Variants in ZMYND12 observed in about 807,000 individuals in gnomAD.
The protein encoded by ZMYND12 is zinc finger MYND-type containing 12, also known as zinc finger MYND domain-containing protein 12.
Under a neutral mutation model 41.7 loss-of-function variants are expected in ZMYND12, and 32 were observed. The ratio of observed to expected loss-of-function variants is 0.77; its 90% CI spans 0.58 to 1.03. The LOEUF (loss-of-function observed/expected upper bound fraction) is 1.03. Among genes scored for constraint, ZMYND12 ranks in the 50% least tolerant of loss-of-function variants. ZMYND12 has a pLI of 0.00. For missense variants in ZMYND12, 424 were observed against 438.5 expected, an observed-to-expected ratio of 0.97 and a Z score of 0.30; for synonymous variants, 148 against 164.8, an observed-to-expected ratio of 0.90 and a Z score of 0.78.
In ZMYND12 at chr1:42,430,590, A is replaced by G. The variant is rs577096202; in HGVS notation, c.*146T>C. Reference sequence around the variant, plus strand: ...ATTCCCTTAATATGCTGTGTAAGAAAAAAATAACAGCTATGTGTGCAATCC... The same window carrying G: ...ATTCCCTTAATATGCTGTGTAAGAAGAAAATAACAGCTATGTGTGCAATCC... On this transcript the variant is annotated 3_prime_UTR_variant, in exon 8 of 8. Transcript: ENST00000372565. The G allele has an allele frequency of 7.5e-5, 81 of 1,074,608 alleles. No individual in the cohort carries two copies. The highest frequency in any genetic ancestry group is 6.6e-4 in the South Asian group (36 of 54,924). The allele number at this position is 1,074,608 out of a possible 1,614,324, so 66.6% of individuals were successfully genotyped here.
intron 4 of ZMYND12, among the ~76,000 whole-genome samples, chr1:42,439,299 C>T (rs1642941222): frequency 6.7e-6 from 1 of 148,452 alleles, no homozygotes; most frequent in South Asian, 2.1e-4. Flanking sequence ...CGAAGTCTTG[C>T]TCTGTCGCCA....
At chr1:42,455,734 G>C (rs1431212112) in intron 1 of ZMYND12, among the ~76,000 whole-genome samples, 154 bp downstream of exon 1, 1 of 152,206 alleles carries the variant, frequency 6.6e-6, no homozygotes, top group African/African-American at 2.4e-5. Flanking sequence ...AGACAGACGA[G>C]GCCACGGGAG....
In ZMYND12 at chr1:42,437,545, C is replaced by T. The variant is rs950869124; in HGVS notation, c.595-1002G>A. Among the ~76,000 whole-genome samples the T allele has an allele frequency of 2.7e-4, 40 of 149,138 alleles. 1 individual carries two copies. The highest frequency in any genetic ancestry group is 8.2e-4 in the African/African-American group (33 of 40,338). ...TTTTTTTTTTTAAAGACAGAGTCTC[C>T]CTCTGTCGCCCAGGCTGGAGTGCAG... On this transcript the variant is annotated intron_variant, in intron 4 of 7. Coordinates refer to ENST00000372565, the MANE Select transcript of ZMYND12 (RefSeq NM_032257.5).
chr1:42,448,499 G>C lies in ZMYND12; in HGVS notation c.392C>G (p.Pro131Arg). 1.9e-6 allele frequency: 3 copies of C among 1,607,128 alleles called. No homozygotes were observed. Among genetic ancestry groups the C allele is most frequent in the Non-Finnish European group, 8.5e-7 (1 of 1,176,336 alleles). ...GGCCTCGGCCAACAGCAGGTAAGCAGGCACAAGCTCTACGGAGCTCAGGCC... is the reference window on the plus strand; with the variant it reads ...GGCCTCGGCCAACAGCAGGTAAGCACGCACAAGCTCTACGGAGCTCAGGCC... ...LYGLSSVELV[P>R]AYLLLAEASL... The change falls in exon 3 of 8, where the codon CCT becomes CGT. Residue 131 changes from proline (P) to arginine (R), a missense_variant. By Grantham distance (103) the Pro-to-Arg change is moderately radical. Coordinates refer to ENST00000372565, the MANE Select transcript of ZMYND12 (RefSeq NM_032257.5).
intron 1 of ZMYND12, among the ~76,000 whole-genome samples, chr1:42,452,215 T>C (rs994887384): frequency 6.6e-6 from 1 of 152,306 alleles, no homozygotes; most frequent in Admixed American, 6.5e-5. Context: ...GTTTGACATA[T>C]GAAGCGCAAA....
intron 3 of ZMYND12, among the ~76,000 whole-genome samples, chr1:42,444,921 C>A (rs1343589555): frequency 6.6e-6 from 1 of 150,992 alleles, no homozygotes; most frequent in Middle Eastern, 3.4e-3. Flanking sequence ...CATTCTCCTG[C>A]TCCAGCCTCC....
intron 4 of ZMYND12, among the ~76,000 whole-genome samples, chr1:42,437,475 TG>T (rs1481605741): frequency 2.0e-5 from 3 of 150,950 alleles, no homozygotes; most frequent in Non-Finnish European, 3.0e-5. Flanking sequence ...TGTGTGTGTG[TG>T]TGTTTAAAAA....
At chr1:42,437,456 G>C (rs1642919705) in intron 4 of ZMYND12, among the ~76,000 whole-genome samples, 2 of 151,454 alleles carry the variant, frequency 1.3e-5, no homozygotes, top group South Asian at 4.2e-4. Flanking sequence ...GTGTGTGTGT[G>C]TGTGTGTGTG....
chr1:42,439,783 A>C lies in ZMYND12; in HGVS notation c.594+73T>G, dbSNP rs542188262. 60 of 1,432,712 alleles carry C rather than the reference A, an allele frequency of 4.2e-5. No individual in the cohort carries two copies. The African/African-American group carries it at 5.7e-4, about 14-fold the overall frequency. 88.7% of individuals were successfully genotyped at this position (1,432,712 alleles called of 1,614,324 possible). On this transcript the variant is annotated intron_variant, in intron 4 of 7. Transcript: ENST00000372565. ...ATGCACAGTTTTAAAAAAATTAAAC[A>C]GATTTTGGAAATATACAGGTGTTAT...
intron 7 of ZMYND12, among the ~76,000 whole-genome samples, chr1:42,432,011 C>T (rs996896041): frequency 6.6e-6 from 1 of 151,998 alleles, no homozygotes; most frequent in African/African-American, 2.4e-5. Flanking sequence ...TCTCTCTCCC[C>T]CTGCCAACTG....
intron 3 of ZMYND12, among the ~76,000 whole-genome samples, chr1:42,444,677 T>A (rs1441422712): frequency 6.6e-6 from 1 of 152,116 alleles, no homozygotes; most frequent in East Asian, 1.9e-4. Context: ...CCGTGATAAT[T>A]AAGAATAGAC....
chr1:42,437,440 C>CTGTGTGTGTG (rs113850227), intron 4 of ZMYND12, among the ~76,000 whole-genome samples: 6,058 of 144,386 alleles, frequency 0.042, 149 homozygotes, highest in East Asian at 0.091. Flanking sequence ...CAATAAAGCT[C>CTGTGTGTGTG]TGTGTGTGTG....
Position 42,430,581 on chromosome 1 carries a change from G to T in ZMYND12, c.*155C>A. 1 of 944,386 alleles carries T rather than the reference G, an allele frequency of 1.1e-6. No homozygotes were observed. Among genetic ancestry groups the T allele is most frequent in the Non-Finnish European group, 1.6e-6 (1 of 641,136 alleles). 58.5% of individuals were successfully genotyped at this position (944,386 alleles called of 1,614,324 possible). A position where few individuals can be genotyped will look rare whatever the true frequency, so the allele number is the denominator to read the frequency against. ...AAGCTTTATATTCCCTTAATATGCTGTGTAAGAAAAAAATAACAGCTATGT... is the reference window on the plus strand; with the variant it reads ...AAGCTTTATATTCCCTTAATATGCTTTGTAAGAAAAAAATAACAGCTATGT... On this transcript the variant is annotated 3_prime_UTR_variant, in exon 8 of 8. Coordinates refer to ENST00000372565, the MANE Select transcript of ZMYND12 (RefSeq NM_032257.5).
At chr1:42,449,271 G>C (rs943213948) in intron 2 of ZMYND12, among the ~76,000 whole-genome samples, 1 of 152,124 alleles carries the variant, frequency 6.6e-6, no homozygotes, top group Non-Finnish European at 1.5e-5. Flanking sequence ...TTATTCAGTA[G>C]TATATCCATA....
Position 42,435,351 on chromosome 1 carries a change from T to C in ZMYND12, c.752A>G (p.His251Arg). Residue 251 changes from histidine to arginine, a missense_variant, in exon 6 of 8, where the codon CAC becomes CGC. His to Arg is a conservative substitution (Grantham distance 29, BLOSUM62 0). Transcript: ENST00000372565. The part of the protein sequence containing the change: ...SEIWHAYLNN[H>R]YQVLSQAHIQ... ...GTGAGCCTGTGAGAGGACTTGATAG[T>C]GATTGTTCAAATATGCATGCCAGAT... 6.2e-7 allele frequency: 1 copy of C among 1,614,002 alleles called. No individual in the cohort carries two copies. Among genetic ancestry groups the C allele is most frequent in the Non-Finnish European group, 8.5e-7 (1 of 1,179,904 alleles).
chr1:42,437,444 G>GTGTGTGTGTGTGTA (rs1431297205), intron 4 of ZMYND12, among the ~76,000 whole-genome samples: 2 of 38,336 alleles, frequency 5.2e-5, no homozygotes, highest in African/African-American at 7.7e-5. Flanking sequence ...AAAGCTCTGT[G>GTGTGTGTGTGTGTA]TGTGTGTGTG....
chr1:42,439,849 T>G lies in ZMYND12; in HGVS notation c.594+7A>C. On this transcript the variant is annotated splice_region_variant and intron_variant, in intron 4 of 7. Coordinates refer to ENST00000372565, the MANE Select transcript of ZMYND12 (RefSeq NM_032257.5). ...AATATACAGGTGTTATAACTTAGCT[T>G]GTTTACATCATTGGCCAGATGATAA... is the stretch of plus-strand genomic sequence containing the variant. 1 of 1,601,628 alleles carries G rather than the reference T, an allele frequency of 6.2e-7. No homozygotes were observed. Among genetic ancestry groups the G allele is most frequent in the Non-Finnish European group, 8.5e-7 (1 of 1,175,746 alleles).
At position 42,450,079 on chromosome 1, in the gene ZMYND12, CT is replaced by C; in HGVS notation, c.111-21del. 6.2e-7 allele frequency: 1 copy of C among 1,611,700 alleles called. No individual in the cohort carries two copies. The highest frequency in any genetic ancestry group is 1.1e-5 in the South Asian group (1 of 91,046). On this transcript the variant is annotated intron_variant, in intron 1 of 7. Transcript: ENST00000372565. ...ACCCCACTGACAACGGAAACATAGACTTTATGATCTTTATATTTGGCATGAC... is the reference window on the plus strand; with the variant it reads ...ACCCCACTGACAACGGAAACATAGACTTATGATCTTTATATTTGGCATGAC...
At position 42,433,171 on chromosome 1, in the gene ZMYND12, A is replaced by G. The variant is rs1311743758; in HGVS notation, c.947T>C (p.Phe316Ser). 6.2e-7 allele frequency: 1 copy of G among 1,610,938 alleles called. No individual in the cohort carries two copies. Among genetic ancestry groups the G allele is most frequent in the South Asian group, 1.1e-5 (1 of 90,188 alleles). The stretch of plus-strand genomic sequence containing the variant: ...TGAAGAATTCATCATCAGGTAGTAA[A>G]ACATGACCAGGATCTTCAGAACAAA... ...TIFVLKILVM[F>S]YYLMMNSSKA... The change falls in exon 7 of 8, where the codon TTT (phenylalanine) becomes TCT (serine). Residue 316 changes from phenylalanine (F) to serine (S), a missense_variant. Phe to Ser is a radical substitution (Grantham distance 155). Transcript: ENST00000372565.
Sources: allele counts gnomAD v4.1 joint callset (sites outside exome capture counted in the v4.1 genomes callset), GRCh38; gene constraint gnomAD v4.1.1; transcripts MANE v1.5; gene names NCBI Gene and HGNC (gene_info 2026-07-23, HGNC 2026-07-21).